The following GREB1L variants were observed in gnomAD, a reference collection of about 807,000 sequenced individuals.
GREB1L encodes the protein GREB1-like protein.
In GREB1L, 17 loss-of-function variants were observed where a neutral mutation model predicts 200.8. The observed-to-expected ratio is 0.08, with a 90% confidence interval of 0.06 to 0.13. The LOEUF is 0.13. GREB1L is among the 10% of genes least tolerant of loss of function. The probability of loss-of-function intolerance (pLI) is 1.00; values close to 1 mark genes in which losing one functional copy is unlikely to be tolerated. For synonymous variants in GREB1L, 789 were observed against 893.0 expected (o/e 0.88, Z 2.08); for missense variants, 1,657 against 2,367.7 (o/e 0.70, Z 6.23).
rs138273946 is a variant in GREB1L at position 21,283,913 on chromosome 18, C to T, written c.-120+41520C>T. 6.5e-4 allele frequency among the ~76,000 whole-genome samples: 99 copies of T among 152,320 alleles called. 1 individual carries two copies. In the East Asian group the frequency reaches 0.015, roughly 23 times the overall value. On this transcript the variant is annotated intron_variant, in intron 1 of 32. Coordinates refer to ENST00000424526, the MANE Select transcript of GREB1L (RefSeq NM_001142966.3). ...ACTTTCCTCTGTGCTATAGCCAGGG[C>T]ATGACAACCAAAGCCTTGTCACAAA... is the stretch of plus-strand genomic sequence containing the variant.
intron 4 of GREB1L, among the ~76,000 whole-genome samples, chr18:21,390,255 A>T (rs2040739520): frequency 6.6e-6 from 1 of 151,718 alleles, no homozygotes; most frequent in Non-Finnish European, 1.5e-5. Context: ...TAGTTATTTT[A>T]TTATCTATGT....
At chr18:21,406,327 G>A (rs72881385) in intron 7 of GREB1L, among the ~76,000 whole-genome samples, 28,178 of 152,120 alleles carry the variant, frequency 0.19, 3,226 homozygotes, top group Middle Eastern at 0.28. Context: ...CTGACTCACC[G>A]TGAACACAGT....
chr18:21,345,471 T>A (rs2039331291), intron 1 of GREB1L, among the ~76,000 whole-genome samples: 1 of 152,204 alleles, frequency 6.6e-6, no homozygotes, highest in East Asian at 1.9e-4. Flanking sequence ...GTATGATGGA[T>A]CTGTGTTTGA....
chr18:21,476,331 G>A (rs2035698123), intron 16 of GREB1L, among the ~76,000 whole-genome samples: 5 of 152,184 alleles, frequency 3.3e-5, no homozygotes, highest in Admixed American at 3.3e-4. Flanking sequence ...GAAACCTAGA[G>A]CCATACATAG....
At chr18:21,296,983 A>C (rs1297851294) in intron 1 of GREB1L, among the ~76,000 whole-genome samples, 2 of 152,158 alleles carry the variant, frequency 1.3e-5, no homozygotes, top group African/African-American at 2.4e-5. Context: ...CTTGAGCATC[A>C]GGATTTTTGA....
At chr18:21,432,709 T>TC (rs895772450) in intron 7 of GREB1L, among the ~76,000 whole-genome samples, 9 of 139,008 alleles carry the variant, frequency 6.5e-5, no homozygotes, top group African/African-American at 2.2e-4. Flanking sequence ...TTTTTTCTTT[T>TC]TTTTTTTTTT....
At chr18:21,351,852 A>AT (rs1452100794) in intron 1 of GREB1L, among the ~76,000 whole-genome samples, 5 of 150,660 alleles carry the variant, frequency 3.3e-5, no homozygotes, top group African/African-American at 1.2e-4. Context: ...TATTTTATTT[A>AT]TTTATTTTTT....
chr18:21,247,923 G>A (rs745925339), intron 1 of GREB1L, among the ~76,000 whole-genome samples: 36 of 152,100 alleles, frequency 2.4e-4, no homozygotes, highest in Non-Finnish European at 8.8e-5. Flanking sequence ...CTACCAATCT[G>A]CATTTTAACA....
chr18:21,517,704 G>C (rs2037467517), intron 30 of GREB1L, among the ~76,000 whole-genome samples: 1 of 152,116 alleles, frequency 6.6e-6, no homozygotes, highest in African/African-American at 2.4e-5. Flanking sequence ...GTGGGGTTGT[G>C]GGGTAGAGTT....
chr18:21,330,350 G>A (rs1193951154), intron 1 of GREB1L, among the ~76,000 whole-genome samples: 1 of 152,250 alleles, frequency 6.6e-6, no homozygotes, highest in Non-Finnish European at 1.5e-5. Context: ...AATGCATGGT[G>A]TCAGTGTGTC....
At chr18:21,282,984 A>G (rs111442014) in intron 1 of GREB1L, among the ~76,000 whole-genome samples, 21 of 152,300 alleles carry the variant, frequency 1.4e-4, no homozygotes, top group African/African-American at 4.6e-4. Flanking sequence ...TTCTATGAGC[A>G]TTTTTGCTGT....
intron 1 of GREB1L, among the ~76,000 whole-genome samples, chr18:21,309,770 T>C (rs1187364227): frequency 1.3e-5 from 2 of 152,126 alleles, no homozygotes; most frequent in Non-Finnish European, 2.9e-5. Flanking sequence ...CTGTATGGTT[T>C]CATCCAAATC....
chr18:21,460,520 T>A (rs1239964232), intron 15 of GREB1L, among the ~76,000 whole-genome samples: 1 of 152,034 alleles, frequency 6.6e-6, no homozygotes, highest in Non-Finnish European at 1.5e-5. Context: ...TAATTTTTTT[T>A]ATATAGACGG....
chr18:21,336,753 C>T (rs1234751682), intron 1 of GREB1L, among the ~76,000 whole-genome samples: 2 of 152,192 alleles, frequency 1.3e-5, no homozygotes, highest in East Asian at 3.8e-4. Flanking sequence ...ATGCTATAGG[C>T]AGCGGCACCA....
At chr18:21,283,854 G>C (rs2038311028) in intron 1 of GREB1L, among the ~76,000 whole-genome samples, 1 of 152,216 alleles carries the variant, frequency 6.6e-6, no homozygotes, top group African/African-American at 2.4e-5. Context: ...TGGTTCCTAA[G>C]GAACAATGTG....
chr18:21,385,682 G>A (rs1330384704), intron 4 of GREB1L, among the ~76,000 whole-genome samples: 6 of 152,232 alleles, frequency 3.9e-5, no homozygotes, highest in South Asian at 2.1e-4. Context: ...CTTGCTTTAC[G>A]TCCATCTTCA....
At chr18:21,468,790 T>G (rs76597875) in intron 15 of GREB1L, 8,846 of 456,596 alleles carry the variant, frequency 0.019, 730 homozygotes, top group Admixed American at 0.15. Flanking sequence ...ATCTATGACA[T>G]TTCTTCAGTC....
At chr18:21,303,417 T>C (rs1598643118) in intron 1 of GREB1L, among the ~76,000 whole-genome samples, 1 of 152,206 alleles carries the variant, frequency 6.6e-6, no homozygotes, top group East Asian at 1.9e-4. Flanking sequence ...TTCTGAAATA[T>C]ATTGGAAATA....
chr18:21,360,711 C>G (rs2039569629), intron 1 of GREB1L, among the ~76,000 whole-genome samples: 1 of 152,160 alleles, frequency 6.6e-6, no homozygotes, highest in South Asian at 2.1e-4. Flanking sequence ...AAAAACTCCT[C>G]TCATTTAAAT....
Sources: gnomAD v4.1 joint callset for allele counts (sites outside exome capture counted in the v4.1 genomes callset) on GRCh38, gnomAD v4.1.1 for gene constraint, MANE v1.5 for transcripts, NCBI Gene and HGNC (gene_info 2026-07-23, HGNC 2026-07-21) for gene names.